DCBLD2: variants seen among roughly 807,000 people sequenced by gnomAD.
The protein encoded by DCBLD2 is discoidin, CUB and LCCL domain containing 2.
In DCBLD2, 54 loss-of-function variants were observed where a neutral mutation model predicts 86.8. That is an observed-to-expected ratio of 0.62 (90% CI 0.50 to 0.78). DCBLD2 has a LOEUF of 0.78. DCBLD2 is among the 30% of genes least tolerant of loss of function. The pLI is 0.00. For missense variants in DCBLD2, 908 were observed against 954.2 expected, an observed-to-expected ratio of 0.95 and a Z score of 0.64; for synonymous variants, 354 against 341.3, an observed-to-expected ratio of 1.04 and a Z score of -0.41.
chr3:98,846,275 C>G (rs1038275562), intron 3 of DCBLD2, among the ~76,000 whole-genome samples: 2 of 152,190 alleles, frequency 1.3e-5, no homozygotes, highest in Admixed American at 1.3e-4. Context: ...TTTTCACAAT[C>G]TTTTCATTCC....
intron 3 of DCBLD2, among the ~76,000 whole-genome samples, chr3:98,836,476 G>C (rs1942450732): frequency 6.6e-6 from 1 of 151,960 alleles, no homozygotes; most frequent in Non-Finnish European, 1.5e-5. Context: ...AAAATGAAAA[G>C]TCTCTCATGT....
At chr3:98,828,574 G>C (rs143843866) in intron 3 of DCBLD2, among the ~76,000 whole-genome samples, 265 of 152,284 alleles carry the variant, frequency 1.7e-3, no homozygotes, top group Admixed American at 6.5e-3. Context: ...CAAAAATGTG[G>C]AGAAACTGGA....
intron 2 of DCBLD2, among the ~76,000 whole-genome samples, chr3:98,862,299 A>T (rs1943058537): frequency 6.6e-6 from 1 of 152,224 alleles, no homozygotes; most frequent in Non-Finnish European, 1.5e-5. Flanking sequence ...TACAAGGAGG[A>T]GCTGGTACCA....
At chr3:98,803,334 ATT>A (rs1406640968) in intron 13 of DCBLD2, among the ~76,000 whole-genome samples, 1 of 152,106 alleles carries the variant, frequency 6.6e-6, no homozygotes, top group Non-Finnish European at 1.5e-5. Flanking sequence ...TTCACTCATG[ATT>A]TGGCTCTCTG....
intron 3 of DCBLD2, among the ~76,000 whole-genome samples, chr3:98,826,912 T>C (rs915367970): frequency 1.3e-5 from 2 of 152,156 alleles, no homozygotes; most frequent in African/African-American, 4.8e-5. Context: ...CCTAGCACAC[T>C]GAACAGTATA....
chr3:98,811,061 A>C (rs1351056260), intron 12 of DCBLD2, 133 bp downstream of exon 12: 1 of 1,023,830 alleles, frequency 9.8e-7, no homozygotes, highest in South Asian at 2.2e-5. Flanking sequence ...AAAGAAAATA[A>C]ATTTTTTTTT....
rs1172776529 is a variant in DCBLD2, at chr3:98,796,363, T to C, written c.*3009A>G. On this transcript the variant is annotated 3_prime_UTR_variant, in exon 16 of 16. Coordinates refer to ENST00000326840, the MANE Select transcript of DCBLD2 (RefSeq NM_080927.4). ...ACCACCCAACTCTTAGATTTTGCAG[T>C]TTAGGGACTTCAAGTTCAGAACCAA... The C allele has an allele frequency of 6.6e-6, 1 of 152,578 alleles. No homozygotes were observed. Among genetic ancestry groups the C allele is most frequent in the Non-Finnish European group, 1.5e-5 (1 of 68,012 alleles). 9.5% of individuals were successfully genotyped at this position (152,578 alleles called of 1,614,324 possible). A position where few individuals can be genotyped will look rare whatever the true frequency, so the allele number is the denominator to read the frequency against.
chr3:98,812,568 G>T, intron 9 of DCBLD2, 86 bp from the exon 10 acceptor site: 1 of 1,200,548 alleles, frequency 8.3e-7, no homozygotes. Context: ...TTTGTTCTTT[G>T]CTCTAGGCCT....
chr3:98,901,479 C>T lies in DCBLD2; in HGVS notation c.-153G>A. On this transcript the variant is annotated 5_prime_UTR_variant, in exon 1 of 16. Transcript: ENST00000326840. ...GCGCCGGGACCCTTCCGCCCCTCAC[C>T]CCGCTTTCACCTACTCCTCCTTCGT... 3 of 643,700 alleles carry T rather than the reference C, an allele frequency of 4.7e-6. No individual in the cohort carries two copies. The highest frequency in any genetic ancestry group is 6.6e-6 in the Non-Finnish European group (3 of 454,096). The allele number at this position is 643,700 out of a possible 1,614,324, so 39.9% of individuals were successfully genotyped here.
In DCBLD2 at chr3:98,822,360, G is replaced by A. The variant is rs1942137778; in HGVS notation, c.698C>T (p.Ser233Phe). ...SGTIPHGYRDSSPLCMAGVHA... is the reference protein window; with the variant it reads ...SGTIPHGYRDFSPLCMAGVHA... ...CACACCAGCCATGCACAATGGCGAG[G>A]ACTTAAGGAAGGGAAAAGAAAAGAT... The change falls in exon 6 of 16, where the codon TCC becomes TTC. Residue 233 changes from serine (S) to phenylalanine (F), a missense_variant and splice_region_variant. Physicochemically the swap from Ser to Phe is radical, Grantham distance 155. Transcript: ENST00000326840. 1.2e-6 allele frequency: 2 copies of A among 1,609,664 alleles called. No homozygotes were observed.
intron 3 of DCBLD2, among the ~76,000 whole-genome samples, chr3:98,832,082 T>G (rs1439228676): frequency 2.0e-5 from 3 of 152,210 alleles, no homozygotes; most frequent in Non-Finnish European, 4.4e-5. Context: ...CCTAAGTCTC[T>G]TTTTAGGTTT....
Position 98,799,434 on chromosome 3 carries a change from T to C in DCBLD2, c.2266A>G (p.Thr756Ala), listed in dbSNP as rs1207211638. The C allele has an allele frequency of 1.2e-6, 2 of 1,614,054 alleles. No individual in the cohort carries two copies. Among genetic ancestry groups the C allele is most frequent in the South Asian group, 1.1e-5 (1 of 91,080 alleles). The change falls in exon 16 of 16, where the codon ACA becomes GCA. Residue 756 changes from threonine to alanine, a missense_variant. Coordinates refer to ENST00000326840, the MANE Select transcript of DCBLD2 (RefSeq NM_080927.4). ...DELVYQVPQSTQEVSGAGRDG... is the reference protein window; with the variant it reads ...DELVYQVPQSAQEVSGAGRDG... ...CTTCCTGCTCCTGATACTTCTTGTG[T>C]GCTCTGTGGCACCTGGTACACCAAT... is the stretch of plus-strand genomic sequence containing the variant.
At chr3:98,831,356 C>T (rs779260294) in intron 3 of DCBLD2, among the ~76,000 whole-genome samples, 2 of 152,014 alleles carry the variant, frequency 1.3e-5, no homozygotes, top group Non-Finnish European at 2.9e-5. Context: ...TGGCCCTTCT[C>T]TCTTCTTTAT....
rs1365880289 is a variant in DCBLD2 at position 98,796,451 on chromosome 3, A to G, written c.*2921T>C. 6.6e-6 allele frequency: 1 copy of G among 152,632 alleles called. No individual in the cohort carries two copies. Among genetic ancestry groups the G allele is most frequent in the Non-Finnish European group, 1.5e-5 (1 of 68,036 alleles). The allele number at this position is 152,632 out of a possible 1,614,324, so 9.5% of individuals were successfully genotyped here. On this transcript the variant is annotated 3_prime_UTR_variant, in exon 16 of 16. Transcript: ENST00000326840. The stretch of plus-strand genomic sequence containing the variant: ...TAGACCTCTTGCTCTCTAGGTGACA[A>G]TGCAGAGCCAGGGCAAAGGTGTTTA...
intron 1 of DCBLD2, chr3:98,895,356 A>C (rs1943733429): frequency 6.6e-6 from 1 of 152,226 alleles, no homozygotes; most frequent in Non-Finnish European, 1.5e-5. Context: ...CCTGGCCCAC[A>C]GTAACCAACC....
chr3:98,851,424 G>A lies in DCBLD2; in HGVS notation c.434-1826C>T, dbSNP rs530851865. On this transcript the variant is annotated intron_variant, in intron 2 of 15. Transcript: ENST00000326840. ...TCTTCAAGGAGAACTACAAAGCACT[G>A]CTCAAGGAAATAAGAGCGGATACAA... is the stretch of plus-strand genomic sequence containing the variant. 3.3e-5 allele frequency among the ~76,000 whole-genome samples: 5 copies of A among 152,274 alleles called. No individual in the cohort carries two copies. In the South Asian group the frequency reaches 8.3e-4, roughly 25 times the overall value.
intron 13 of DCBLD2, among the ~76,000 whole-genome samples, chr3:98,803,205 G>A (rs1268099762): frequency 4.6e-5 from 7 of 152,120 alleles, no homozygotes; most frequent in African/African-American, 1.7e-4. Context: ...CCATTTGTTT[G>A]CGTCCTCTTT....
intron 4 of DCBLD2, among the ~76,000 whole-genome samples, chr3:98,824,395 C>T (rs530946877): frequency 3.8e-4 from 58 of 152,128 alleles, no homozygotes; most frequent in African/African-American, 3.9e-4. Context: ...GTGGCGCGAG[C>T]GCAGCTGACC....
At chr3:98,862,261 C>A (rs898171756) in intron 2 of DCBLD2, among the ~76,000 whole-genome samples, 3 of 152,130 alleles carry the variant, frequency 2.0e-5, no homozygotes, top group African/African-American at 4.8e-5. Flanking sequence ...CAGGACCAGA[C>A]AGATTCACAG....
Sources: gnomAD v4.1 joint callset for allele counts (sites outside exome capture counted in the v4.1 genomes callset) on GRCh38, gnomAD v4.1.1 for gene constraint, MANE v1.5 for transcripts, NCBI Gene and HGNC (gene_info 2026-07-23, HGNC 2026-07-21) for gene names.